MTMR9: variants seen among roughly 807,000 people sequenced by gnomAD.
MTMR9 encodes the protein myotubularin-related protein 9.
Under a neutral mutation model 69.5 loss-of-function variants are expected in MTMR9, and 39 were observed. That is an observed-to-expected ratio of 0.56 (90% CI 0.43 to 0.73). The LOEUF (loss-of-function observed/expected upper bound fraction) is 0.73, where lower values mean the gene tolerates loss of function less well. Among genes scored for constraint, MTMR9 ranks in the 30% least tolerant of loss-of-function variants. The probability of loss-of-function intolerance (pLI) is 0.00; values close to 1 mark genes in which losing one functional copy is unlikely to be tolerated. For synonymous variants in MTMR9, 354 were observed against 240.8 expected, an observed-to-expected ratio of 1.47 and a Z score of -4.35; for missense variants, 900 against 671.2, an observed-to-expected ratio of 1.34 and a Z score of -3.77.
At chr8:11,322,557 C>G in intron 9 of MTMR9, 68 bp from the exon 10 acceptor site, 1 of 1,325,028 alleles carries the variant, frequency 7.5e-7, no homozygotes, top group Non-Finnish European at 1.1e-6. Flanking sequence ...ACATCTTATC[C>G]ACAAATGTAA....
intron 1 of MTMR9, among the ~76,000 whole-genome samples, chr8:11,293,774 A>G (rs1799450346): frequency 6.6e-6 from 1 of 152,016 alleles, no homozygotes; most frequent in African/African-American, 2.4e-5. Flanking sequence ...AAAAAAAAAA[A>G]AAGCTATCCA....
intron 5 of MTMR9, among the ~76,000 whole-genome samples, chr8:11,307,620 C>A (rs1799989428): frequency 6.6e-6 from 1 of 152,158 alleles, no homozygotes; most frequent in South Asian, 2.1e-4. Context: ...GAGGAGCCTC[C>A]ATACTGTTTT....
chr8:11,315,258 C>T (rs946572513), intron 7 of MTMR9, among the ~76,000 whole-genome samples, 194 bp downstream of exon 7: 5 of 152,316 alleles, frequency 3.3e-5, no homozygotes, highest in African/African-American at 1.2e-4. Flanking sequence ...TCACTTGACA[C>T]TTCCTTCACT....
intron 1 of MTMR9, among the ~76,000 whole-genome samples, chr8:11,291,013 G>T (rs1314609678): frequency 6.6e-6 from 1 of 151,914 alleles, no homozygotes; most frequent in Non-Finnish European, 1.5e-5. Context: ...GCACATAGAG[G>T]TTTTAGAATC....
chr8:11,332,638 G>T (rs1035345469), downstream of MTMR9, among the ~76,000 whole-genome samples: 1 of 151,194 alleles, frequency 6.6e-6, no homozygotes, highest in Non-Finnish European at 1.5e-5. Flanking sequence ...ATCTTGCTCT[G>T]TCACACAGGC....
In MTMR9 at chr8:11,323,146, G is replaced by A. The variant is rs1486125939; in HGVS notation, c.*358G>A. The A allele has an allele frequency of 2.5e-5, 4 of 162,972 alleles. No homozygotes were observed. The highest frequency in any genetic ancestry group is 4.8e-5 in the African/African-American group (2 of 41,700). The allele number at this position is 162,972 out of a possible 1,614,324, so 10.1% of individuals were successfully genotyped here. A position where few individuals can be genotyped will look rare whatever the true frequency, so the allele number is the denominator to read the frequency against. On this transcript the variant is annotated 3_prime_UTR_variant, in exon 10 of 10. Transcript: ENST00000221086. ...GCATTCTAGAGCAGTCAAGGAGACAGCTAATCTCTCTAGGGACTATTTGGT... is the reference window on the plus strand; with the variant it reads ...GCATTCTAGAGCAGTCAAGGAGACAACTAATCTCTCTAGGGACTATTTGGT...
chr8:11,287,993 TTACATATAA>T (rs1799239595), intron 1 of MTMR9, among the ~76,000 whole-genome samples: 1 of 123,476 alleles, frequency 8.1e-6, no homozygotes, highest in Admixed American at 1.0e-4. Context: ...ATAATATATA[TTACATATAA>T]TACATAGTAT....
At chr8:11,314,098 G>C (rs1376595226) in intron 6 of MTMR9, among the ~76,000 whole-genome samples, 4 of 152,192 alleles carry the variant, frequency 2.6e-5, no homozygotes, top group Non-Finnish European at 5.9e-5. Context: ...AGAGGAAATT[G>C]CCTCGTATTA....
At chr8:11,298,826 T>A (rs1799651249) in intron 2 of MTMR9, 6 of 982,684 alleles carry the variant, frequency 6.1e-6, no homozygotes, top group Non-Finnish European at 4.8e-6. Flanking sequence ...GTTCCTCCCA[T>A]CTACTCAGGT....
chr8:11,301,116 G>T (rs971486606), intron 3 of MTMR9, among the ~76,000 whole-genome samples: 2 of 152,190 alleles, frequency 1.3e-5, no homozygotes, highest in African/African-American at 4.8e-5. Flanking sequence ...TTGATCTGTA[G>T]AGTCAGTGCA....
At chr8:11,289,104 C>T (rs971669423) in intron 1 of MTMR9, among the ~76,000 whole-genome samples, 2 of 152,074 alleles carry the variant, frequency 1.3e-5, no homozygotes, top group African/African-American at 2.4e-5. Context: ...CCTGGGAGGC[C>T]GAGGTTGCAG....
chr8:11,291,840 T>C (rs1025693931), intron 1 of MTMR9, among the ~76,000 whole-genome samples: 2 of 152,188 alleles, frequency 1.3e-5, no homozygotes, highest in Admixed American at 6.5e-5. Flanking sequence ...TTGCTGTGTG[T>C]CTTTCACTTC....
At chr8:11,330,135 C>T (rs1234147088), downstream of MTMR9, among the ~76,000 whole-genome samples, 1 of 151,594 alleles carries the variant, frequency 6.6e-6, no homozygotes, top group African/African-American at 2.4e-5. Context: ...GCCAGCAGCC[C>T]CGTCCGGGAG....
rs919182758 is a variant in MTMR9 at position 11,326,321 on chromosome 8, G to A, written c.*3533G>A. The A allele has an allele frequency of 4.6e-5, 7 of 152,222 alleles. No individual in the cohort carries two copies. The highest frequency in any genetic ancestry group is 1.7e-4 in the African/African-American group (7 of 41,464). The allele number at this position is 152,222 out of a possible 1,614,324, so 9.4% of individuals were successfully genotyped here. On this transcript the variant is annotated 3_prime_UTR_variant, in exon 10 of 10. Coordinates refer to ENST00000221086, the MANE Select transcript of MTMR9 (RefSeq NM_015458.4). ...TTGCCCACTTCTAGATAGAATGAAT[G>A]AAAACAACACAAGCGTTTTATGAGC...
At chr8:11,307,229 G>A (rs1199680478) in intron 5 of MTMR9, among the ~76,000 whole-genome samples, 2 of 151,966 alleles carry the variant, frequency 1.3e-5, no homozygotes, top group African/African-American at 2.4e-5. Context: ...CTGCTACCAC[G>A]CCTGGCTAAT....
At chr8:11,339,108 G>A in the MTMR9 span, among the ~76,000 whole-genome samples, 3 of 152,102 alleles carry the variant, frequency 2.0e-5, no homozygotes, top group African/African-American at 4.8e-5. Flanking sequence ...AGGATGCAGG[G>A]GTGTCAATCC....
chr8:11,298,639 TCTC>T (rs1341219282), intron 2 of MTMR9: 4 of 542,464 alleles, frequency 7.4e-6, no homozygotes, highest in East Asian at 3.0e-4. Context: ...TGTTGGGCCT[TCTC>T]CTCCTGTCCA....
At chr8:11,333,166 C>T in the MTMR9 span, among the ~76,000 whole-genome samples, 6 of 152,264 alleles carry the variant, frequency 3.9e-5, no homozygotes, top group East Asian at 1.9e-4. Context: ...TCTACAACAA[C>T]CTCTAATACC....
chr8:11,334,096 C>G, the MTMR9 span, among the ~76,000 whole-genome samples: 1 of 152,196 alleles, frequency 6.6e-6, no homozygotes, highest in Non-Finnish European at 1.5e-5. Context: ...AAGGCCCTCA[C>G]CAGATGCTGG....
Sources: allele counts gnomAD v4.1 joint callset (sites outside exome capture counted in the v4.1 genomes callset), GRCh38; gene constraint gnomAD v4.1.1; transcripts MANE v1.5; gene names NCBI Gene and HGNC (gene_info 2026-07-23, HGNC 2026-07-21).